Variants in DNAH12 observed in about 807,000 individuals in gnomAD.
The protein encoded by DNAH12 is axonemal beta dynein heavy chain 12.
DNAH12 carries 285 observed loss-of-function variants against 371.5 expected under a neutral mutation model. That is an observed-to-expected ratio of 0.77 (90% CI 0.70 to 0.85). The LOEUF (loss-of-function observed/expected upper bound fraction) is 0.85. Among genes scored for constraint, DNAH12 ranks in the 40% least tolerant of loss-of-function variants. The pLI is 0.00. For synonymous variants in DNAH12, 1,200 were observed against 1,213.0 expected, an observed-to-expected ratio of 0.99 and a Z score of 0.22; for missense variants, 3,611 against 3,689.4, an observed-to-expected ratio of 0.98 and a Z score of 0.55.
chr3:57,479,364 G>A (rs1417307042), intron 13 of DNAH12, among the ~76,000 whole-genome samples: 1 of 152,100 alleles, frequency 6.6e-6, no homozygotes, highest in Non-Finnish European at 1.5e-5. Flanking sequence ...TCAACAAGAA[G>A]AGCTAACTAT....
intron 4 of DNAH12, among the ~76,000 whole-genome samples, chr3:57,522,925 A>C (rs368185537): frequency 6.6e-6 from 1 of 151,790 alleles, no homozygotes; most frequent in South Asian, 2.1e-4. Context: ...CTACTATATC[A>C]TTATATCAAT....
rs1363809720 is a variant in DNAH12 at position 57,296,902 on chromosome 3, T to C, written c.11477A>G (p.Gln3826Arg). Residue 3826 changes from glutamine to arginine, a missense_variant, in exon 71 of 74, where the codon CAG becomes CGG. Physicochemically the swap from Gln to Arg is conservative, Grantham distance 43 (BLOSUM62 1). Transcript: ENST00000495027. Reference sequence around the variant, plus strand: ...GGTGGTATATTTTCTGGCATAATTCTGCATAGCTCCAGTTAAAAAGGCCTG... The same window carrying C: ...GGTGGTATATTTTCTGGCATAATTCCGCATAGCTCCAGTTAAAAAGGCCTG... ...FTQAFLTGAMQNYARKYTTPI... is the reference protein window; with the variant it reads ...FTQAFLTGAMRNYARKYTTPI... 1.3e-6 allele frequency: 2 copies of C among 1,551,724 alleles called. No homozygotes were observed. The highest frequency in any genetic ancestry group is 1.7e-6 in the Non-Finnish European group (2 of 1,147,004).
chr3:57,416,824 A>G (rs2064390648), intron 37 of DNAH12, among the ~76,000 whole-genome samples: 1 of 152,196 alleles, frequency 6.6e-6, no homozygotes, highest in African/African-American at 2.4e-5. Context: ...AATGATCATA[A>G]CTAATTTTAA....
At chr3:57,405,413 G>C (rs76819143) in intron 41 of DNAH12, among the ~76,000 whole-genome samples, 1 of 152,140 alleles carries the variant, frequency 6.6e-6, no homozygotes. Flanking sequence ...TGGTCATCAT[G>C]TTAAGCACTT....
At chr3:57,446,449 T>C in intron 26 of DNAH12, 88 bp downstream of exon 26, 1 of 1,448,726 alleles carries the variant, frequency 6.9e-7, no homozygotes, top group Non-Finnish European at 9.2e-7. Context: ...CACATTCATG[T>C]TTAAACATGA....
upstream of DNAH12, among the ~76,000 whole-genome samples, chr3:57,545,718 G>A (rs531817977): frequency 2.0e-5 from 3 of 152,020 alleles, no homozygotes; most frequent in East Asian, 5.8e-4. Context: ...AAATTCAAGC[G>A]GCAGGCACCA....
rs367887966 is a variant in DNAH12 at position 57,347,721 on chromosome 3, T to TAA, written c.9674+4362_9674+4363dup. 4.6e-3 allele frequency among the ~76,000 whole-genome samples: 603 copies of TAA among 131,210 alleles called. 2 individuals carry two copies. Among genetic ancestry groups the TAA allele is most frequent in the South Asian group, 7.5e-3 (30 of 4,002 alleles). The allele number at this position is 131,210 out of a possible 152,430, so 86.1% of individuals were successfully genotyped here. Reference sequence around the variant, plus strand: ...TGGGTGACAGATCAAGAATCTGTCTTAAAAAAAAAAAAAAAAGCAAAAGAC... The same window carrying TAA: ...TGGGTGACAGATCAAGAATCTGTCTTAAAAAAAAAAAAAAAAAAGCAAAAGAC... On this transcript the variant is annotated intron_variant, in intron 60 of 73. Transcript: ENST00000495027.
At chr3:57,525,753 A>ATTTT (rs1553720003) in intron 2 of DNAH12, among the ~76,000 whole-genome samples, 2 of 62,838 alleles carry the variant, frequency 3.2e-5, no homozygotes, top group Admixed American at 1.8e-4. Flanking sequence ...AGTATGTCTT[A>ATTTT]TTCTTTTTTT....
At chr3:57,414,561 C>A (rs1405519249) in intron 38 of DNAH12, among the ~76,000 whole-genome samples, 1 of 152,118 alleles carries the variant, frequency 6.6e-6, no homozygotes, top group Non-Finnish European at 1.5e-5. Flanking sequence ...CTCAAGGAGG[C>A]CCTGATTTCT....
chr3:57,499,647 A>AAAAAAATAT (rs1451248906), intron 11 of DNAH12, among the ~76,000 whole-genome samples: 1 of 17,946 alleles, frequency 5.6e-5, no homozygotes, highest in African/African-American at 2.1e-4. Context: ...AAAAAAAAAA[A>AAAAAAATAT]ATATATATAT....
intron 13 of DNAH12, among the ~76,000 whole-genome samples, chr3:57,477,909 C>A (rs1253812907): frequency 6.6e-6 from 1 of 152,088 alleles, no homozygotes; most frequent in Non-Finnish European, 1.5e-5. Context: ...ACATCTACAC[C>A]AAAACCCCAT....
intron 35 of DNAH12, among the ~76,000 whole-genome samples, chr3:57,424,616 A>C (rs2064702108): frequency 6.6e-6 from 1 of 151,612 alleles, no homozygotes; most frequent in Admixed American, 6.6e-5. Context: ...TCTCTACTAA[A>C]AATACAAAAA....
intron 43 of DNAH12, among the ~76,000 whole-genome samples, chr3:57,398,681 A>G (rs1262801519): frequency 1.3e-5 from 2 of 152,328 alleles, no homozygotes; most frequent in East Asian, 3.9e-4. Flanking sequence ...CCTGTCAACC[A>G]AGGACAATGT....
chr3:57,523,688 A>G, intron 3 of DNAH12, 79 bp from the exon 4 acceptor site: 2 of 1,267,472 alleles, frequency 1.6e-6, no homozygotes, highest in Non-Finnish European at 1.0e-6. Context: ...AATTAAATAT[A>G]TAGTTTAAAT....
chr3:57,539,650 G>A (rs1383648590), intron 2 of DNAH12, among the ~76,000 whole-genome samples: 4 of 124,104 alleles, frequency 3.2e-5, no homozygotes, highest in Non-Finnish European at 6.4e-5. Context: ...CTCTTGCTCT[G>A]TCACCCAGGC....
chr3:57,532,114 T>A (rs766169477), intron 2 of DNAH12, among the ~76,000 whole-genome samples: 10 of 152,192 alleles, frequency 6.6e-5, no homozygotes, highest in Non-Finnish European at 8.8e-5. Flanking sequence ...TAATTAAAAC[T>A]GCTATTAAAA....
intron 13 of DNAH12, among the ~76,000 whole-genome samples, chr3:57,476,393 G>A (rs867899928): frequency 5.0e-4 from 76 of 152,010 alleles, no homozygotes; most frequent in African/African-American, 1.6e-3. Context: ...GTGAAGCCCC[G>A]TCTCTACTAA....
intron 11 of DNAH12, among the ~76,000 whole-genome samples, chr3:57,492,564 A>G (rs180900298): frequency 7.9e-4 from 120 of 152,312 alleles, no homozygotes; most frequent in African/African-American, 2.7e-3. Flanking sequence ...AACCACAACT[A>G]TAGTATATCA....
intron 53 of DNAH12, among the ~76,000 whole-genome samples, chr3:57,376,777 T>G (rs2063290668): frequency 6.6e-6 from 1 of 152,138 alleles, no homozygotes; most frequent in Admixed American, 6.6e-5. Flanking sequence ...TTTGCCTCTT[T>G]TAAAAGACCA....
Sources: gnomAD v4.1 joint callset for allele counts (sites outside exome capture counted in the v4.1 genomes callset) on GRCh38, gnomAD v4.1.1 for gene constraint, MANE v1.5 for transcripts, NCBI Gene and HGNC (gene_info 2026-07-23, HGNC 2026-07-21) for gene names.